The following FHIT variants were observed in gnomAD, a reference collection of about 807,000 sequenced individuals.
FHIT encodes fragile histidine triad diadenosine triphosphatase.
Under a neutral mutation model 17.9 loss-of-function variants are expected in FHIT, and 19 were observed. The ratio of observed to expected loss-of-function variants is 1.06; its 90% CI spans 0.74 to 1.56. The LOEUF is 1.56. Among genes scored for constraint, FHIT ranks in the 40% most tolerant of loss-of-function variants. The pLI is 0.00. For synonymous variants in FHIT, 81 were observed against 69.7 expected (o/e 1.16, Z -0.81); for missense variants, 248 against 189.2 (o/e 1.31, Z -1.82).
intron 5 of FHIT, among the ~76,000 whole-genome samples, chr3:60,241,332 T>C (rs1296839968): frequency 6.6e-6 from 1 of 152,122 alleles, no homozygotes; most frequent in Non-Finnish European, 1.5e-5. Context: ...ACAGACCCAT[T>C]CTAAAGAGCA....
intron 5 of FHIT, among the ~76,000 whole-genome samples, chr3:60,432,996 T>C (rs2029872548): frequency 6.6e-6 from 1 of 151,982 alleles, no homozygotes; most frequent in African/African-American, 2.4e-5. Flanking sequence ...TATTGTTAAC[T>C]GTACACACAT....
At chr3:61,226,283 C>T (rs17668477) in intron 1 of FHIT, among the ~76,000 whole-genome samples, 16,145 of 152,158 alleles carry the variant, frequency 0.11, 1,060 homozygotes, top group South Asian at 0.21. Flanking sequence ...GGAAACACTT[C>T]CCAAGCCTTT....
intron 3 of FHIT, among the ~76,000 whole-genome samples, chr3:60,896,930 T>G (rs1705852513): frequency 6.6e-6 from 1 of 152,220 alleles, no homozygotes; most frequent in Non-Finnish European, 1.5e-5. Flanking sequence ...ATTCCCACCC[T>G]GTAGATGACC....
chr3:61,040,381 A>G (rs2033449731), intron 3 of FHIT, among the ~76,000 whole-genome samples: 1 of 152,244 alleles, frequency 6.6e-6, no homozygotes, highest in Middle Eastern at 3.2e-3. Flanking sequence ...CACAAAGAGC[A>G]ATTTAGGAAA....
intron 1 of FHIT, among the ~76,000 whole-genome samples, chr3:61,217,043 T>A (rs1032137100): frequency 2.6e-5 from 4 of 152,032 alleles, no homozygotes; most frequent in Admixed American, 1.3e-4. Context: ...TGCCTAATGC[T>A]AAATGATGAG....
chr3:59,933,194 T>G (rs1266243805), intron 7 of FHIT, among the ~76,000 whole-genome samples: 1 of 152,192 alleles, frequency 6.6e-6, no homozygotes, highest in Non-Finnish European at 1.5e-5. Context: ...ATGTGGGTTC[T>G]TTCACGGGCT....
At position 61,094,529 on chromosome 3, in the gene FHIT, T is replaced by TC. The variant is rs1158374730; in HGVS notation, c.-163-52431dup. On this transcript the variant is annotated intron_variant, in intron 2 of 9. Transcript: ENST00000492590. ...TATCCGCAGGACAGATGCTTCAAGATCCCCAGTGGATGCCTGAAACCAAAC... is the reference window on the plus strand; with the variant it reads ...TATCCGCAGGACAGATGCTTCAAGATCCCCCAGTGGATGCCTGAAACCAAAC... Among the ~76,000 whole-genome samples the TC allele has an allele frequency of 2.0e-5, 3 of 152,218 alleles. No homozygotes were observed. In the East Asian group the frequency reaches 5.8e-4, roughly 29 times the overall value.
intron 5 of FHIT, among the ~76,000 whole-genome samples, chr3:60,507,988 A>G (rs552030296): frequency 1.3e-5 from 2 of 152,282 alleles, no homozygotes; most frequent in African/African-American, 4.8e-5. Flanking sequence ...GAACATATGC[A>G]TGCATGTGTC....
intron 5 of FHIT, among the ~76,000 whole-genome samples, chr3:60,401,346 C>G (rs1701649646): frequency 6.6e-6 from 1 of 152,158 alleles, no homozygotes; most frequent in Non-Finnish European, 1.5e-5. Flanking sequence ...TGATCTGCAT[C>G]CTGGGAAGTT....
intron 4 of FHIT, among the ~76,000 whole-genome samples, chr3:60,545,856 C>A (rs890156814): frequency 2.7e-4 from 5 of 18,220 alleles, no homozygotes; most frequent in African/African-American, 4.2e-4. Context: ...AAATTGTTAT[C>A]CAAATCTCTC....
Position 60,387,023 on chromosome 3 carries a change from C to CTTTTT in FHIT, c.103+149832_103+149836dup, listed in dbSNP as rs71627536. On this transcript the variant is annotated intron_variant, in intron 5 of 9. Coordinates refer to ENST00000492590, the MANE Select transcript of FHIT (RefSeq NM_002012.4). The stretch of plus-strand genomic sequence containing the variant: ...TTTGCCTAAGGAAATTCTATTTATT[C>CTTTTT]TTTTTTTTTTTTGGAGTGCAACAGC... 5.1e-5 allele frequency among the ~76,000 whole-genome samples: 7 copies of CTTTTT among 136,408 alleles called. 1 individual carries two copies. The highest frequency in any genetic ancestry group is 4.7e-5 in the Non-Finnish European group (3 of 63,778). 89.5% of individuals were successfully genotyped at this position (136,408 alleles called of 152,430 possible).
intron 5 of FHIT, among the ~76,000 whole-genome samples, chr3:60,246,856 G>C (rs1174064793): frequency 6.6e-6 from 1 of 152,064 alleles, no homozygotes; most frequent in Admixed American, 6.6e-5. Flanking sequence ...CTCTTACTGG[G>C]TTTTCAAAAT....
intron 7 of FHIT, among the ~76,000 whole-genome samples, chr3:59,980,547 C>T (rs189584313): frequency 2.9e-4 from 44 of 152,228 alleles, no homozygotes; most frequent in African/African-American, 9.9e-4. Context: ...CAGAGAAGAG[C>T]TTCAAACTAG....
At chr3:60,392,382 A>T (rs183315636) in intron 5 of FHIT, among the ~76,000 whole-genome samples, 1 of 152,358 alleles carries the variant, frequency 6.6e-6, no homozygotes, top group East Asian at 1.9e-4. Flanking sequence ...ATAATTCATT[A>T]TAAGAATAAA....
chr3:60,906,575 G>A (rs1706433762), intron 3 of FHIT, among the ~76,000 whole-genome samples: 2 of 152,128 alleles, frequency 1.3e-5, no homozygotes, highest in Non-Finnish European at 2.9e-5. Flanking sequence ...GAAAATGTAA[G>A]GTAAGGTTGA....
chr3:60,549,519 C>G (rs915206616), intron 4 of FHIT, among the ~76,000 whole-genome samples: 1 of 152,118 alleles, frequency 6.6e-6, no homozygotes, highest in African/African-American at 2.4e-5. Context: ...ACTATTAAGG[C>G]TACGGGTATG....
At chr3:60,501,678 T>A (rs959624026) in intron 5 of FHIT, among the ~76,000 whole-genome samples, 2 of 152,222 alleles carry the variant, frequency 1.3e-5, no homozygotes, top group Non-Finnish European at 2.9e-5. Flanking sequence ...CCCTAGGTGA[T>A]GCTCGGTCCT....
intron 8 of FHIT, among the ~76,000 whole-genome samples, chr3:59,880,750 CA>C (rs1703374730): frequency 1.3e-5 from 2 of 152,190 alleles, no homozygotes; most frequent in South Asian, 4.1e-4. Flanking sequence ...AGAGCAAGAA[CA>C]GAGGTAATTC....
At position 60,416,004 on chromosome 3, in the gene FHIT, CCA is replaced by C. The variant is rs1250056748; in HGVS notation, c.103+120854_103+120855del. ...TTTGAATCATTTGGCATAGTACCTA[CCA>C]CACAGTTGTTCAATACATGTTATCT... On this transcript the variant is annotated intron_variant, in intron 5 of 9. Coordinates refer to ENST00000492590, the MANE Select transcript of FHIT (RefSeq NM_002012.4). Among the ~76,000 whole-genome samples, 6 of 150,530 alleles carry C rather than the reference CCA, an allele frequency of 4.0e-5. No individual in the cohort carries two copies. In the East Asian group the frequency reaches 1.2e-3, roughly 29 times the overall value.
Sources: allele counts gnomAD v4.1 joint callset (sites outside exome capture counted in the v4.1 genomes callset), GRCh38; gene constraint gnomAD v4.1.1; transcripts MANE v1.5; gene names NCBI Gene and HGNC (gene_info 2026-07-23, HGNC 2026-07-21).